The following BARD1 variants were observed in gnomAD, a reference collection of about 807,000 sequenced individuals.
BARD1 encodes the protein BRCA1 associated RING domain 1.
BARD1 carries 73 observed loss-of-function variants against 77.0 expected under a neutral mutation model. The observed-to-expected ratio is 0.95, with a 90% CI of 0.79 to 1.15. The LOEUF (loss-of-function observed/expected upper bound fraction) is 1.15, where lower values mean the gene tolerates loss of function less well. Ranked by LOEUF, BARD1 falls within the 50% of genes most tolerant of loss-of-function variation. The pLI, the probability that BARD1 is intolerant of heterozygous loss-of-function variation, is 0.00. For synonymous variants in BARD1, 384 were observed against 338.0 expected (o/e 1.14, Z -1.49); for missense variants, 993 against 938.8 (o/e 1.06, Z -0.75).
chr2:214,730,419 C>G lies in BARD1; in HGVS notation c.1993G>C (p.Glu665Gln). ...TATTAAAAGAAAAATACCAGCTGTT[C>G]TCTGTTGAGCCTGCTTCTGCGTGGA... ...EGPRRSRLNREQLLPKLFDGC... is the reference protein window; with the variant it reads ...EGPRRSRLNRQQLLPKLFDGC... The change falls in exon 10 of 11, where the codon GAA (glutamate) becomes CAA (glutamine). Residue 665 changes from glutamate to glutamine, a missense_variant. By Grantham distance (29) the Glu-to-Gln change is conservative. Coordinates refer to ENST00000260947, the MANE Select transcript of BARD1 (RefSeq NM_000465.4). 1 of 1,613,324 alleles carries G rather than the reference C, an allele frequency of 6.2e-7. No individual in the cohort carries two copies. The highest frequency in any genetic ancestry group is 8.5e-7 in the Non-Finnish European group (1 of 1,179,390).
At chr2:214,791,994 A>G (rs1695535147) in intron 3 of BARD1, among the ~76,000 whole-genome samples, 1 of 152,016 alleles carries the variant, frequency 6.6e-6, no homozygotes, top group Non-Finnish European at 1.5e-5. Context: ...TTAGACTTTA[A>G]TTATCTCTAT....
At chr2:214,770,663 T>C (rs1386575716) in intron 4 of BARD1, among the ~76,000 whole-genome samples, 1 of 152,218 alleles carries the variant, frequency 6.6e-6, no homozygotes, top group Non-Finnish European at 1.5e-5. Context: ...TTGTGTGTCA[T>C]GATCCAACTA....
chr2:214,785,696 A>G (rs966296526), intron 3 of BARD1, among the ~76,000 whole-genome samples: 1 of 151,674 alleles, frequency 6.6e-6, no homozygotes, highest in Non-Finnish European at 1.5e-5. Flanking sequence ...TGGATTAGCA[A>G]AAGGTAATTT....
intron 7 of BARD1, among the ~76,000 whole-genome samples, chr2:214,751,147 A>T (rs1417932568): frequency 0.013 from 277 of 21,098 alleles, 55 homozygotes; most frequent in East Asian, 0.031. Context: ...ATATATATAT[A>T]TATATTTTTT....
intron 1 of BARD1, among the ~76,000 whole-genome samples, chr2:214,799,408 C>T (rs1411727462): frequency 6.6e-6 from 1 of 152,158 alleles, no homozygotes; most frequent in Non-Finnish European, 1.5e-5. Context: ...AATAAACAAA[C>T]AAATGAATAG....
At chr2:214,788,926 G>A (rs1002411126) in intron 3 of BARD1, among the ~76,000 whole-genome samples, 1 of 151,910 alleles carries the variant, frequency 6.6e-6, no homozygotes, top group Non-Finnish European at 1.5e-5. Flanking sequence ...AGAAACAAAG[G>A]GAAATGTTCC....
intron 2 of BARD1, among the ~76,000 whole-genome samples, chr2:214,793,762 G>GA (rs1306210774): frequency 6.6e-6 from 1 of 151,766 alleles, no homozygotes; most frequent in South Asian, 2.1e-4. Flanking sequence ...TTGGAATTCT[G>GA]AAAAAAATGT....
chr2:214,797,430 C>T (rs1373692310), intron 1 of BARD1, among the ~76,000 whole-genome samples: 2 of 152,200 alleles, frequency 1.3e-5, no homozygotes, highest in Non-Finnish European at 2.9e-5. Context: ...AAACCAACTA[C>T]TGGCTGCTTC....
At position 214,729,002 on chromosome 2, in the gene BARD1, T is replaced by A; in HGVS notation, c.2008A>T (p.Lys670Ter). The change falls in exon 11 of 11, where the codon AAG becomes TAG. Residue 670 changes from lysine to a stop codon, truncating the protein, a stop_gained. Coordinates refer to ENST00000260947, the MANE Select transcript of BARD1 (RefSeq NM_000465.4). LOFTEE classifies it high-confidence loss of function. ...SRLNREQLLP[K>*]LFDGCYFYLW... ...TAGAAGTAGCATCCATCAAACAGCT[T>A]TGGCAACTGAAATAATGAGAAAACA... The A allele has an allele frequency of 6.2e-7, 1 of 1,614,104 alleles. No individual in the cohort carries two copies. Among genetic ancestry groups the A allele is most frequent in the Non-Finnish European group, 8.5e-7 (1 of 1,179,996 alleles).
intron 9 of BARD1, among the ~76,000 whole-genome samples, chr2:214,738,106 C>T (rs1452626476): frequency 5.3e-5 from 8 of 152,078 alleles, no homozygotes; most frequent in South Asian, 2.1e-4. Flanking sequence ...AAGCCACTAA[C>T]CTTATAAAAT....
At chr2:214,804,101 A>C (rs1353556373) in intron 1 of BARD1, among the ~76,000 whole-genome samples, 3 of 152,226 alleles carry the variant, frequency 2.0e-5, no homozygotes, top group Non-Finnish European at 4.4e-5. Context: ...AGAATCCTCA[A>C]GGTAATTTTA....
At chr2:214,730,385 T>G in intron 10 of BARD1, 26 bp downstream of exon 10, 1 of 1,583,396 alleles carries the variant, frequency 6.3e-7, no homozygotes, top group Non-Finnish European at 8.7e-7. Flanking sequence ...ATAAGAACAA[T>G]GAAAGTTGTA....
rs1315898207 is a variant in BARD1, at chr2:214,780,832, C to T, written c.1042G>A (p.Val348Ile). The T allele has an allele frequency of 6.2e-7, 1 of 1,614,024 alleles. No homozygotes were observed. Among genetic ancestry groups the T allele is most frequent in the Non-Finnish European group, 8.5e-7 (1 of 1,180,006 alleles). Residue 348 changes from valine to isoleucine, a missense_variant, in exon 4 of 11, where the codon GTT (valine) becomes ATT (isoleucine). Val to Ile is a conservative substitution (Grantham distance 29). Coordinates refer to ENST00000260947, the MANE Select transcript of BARD1 (RefSeq NM_000465.4). The part of the protein sequence containing the change: ...TSILSTSGDF[V>I]KQTVPSENIP... ...TTTTCTGAGGGCACCGTTTGCTTAA[C>T]AAAATCTCCACTGGTGCTCAGAATG...
intron 6 of BARD1, among the ~76,000 whole-genome samples, chr2:214,753,999 G>A (rs1693579671): frequency 1.3e-5 from 2 of 152,058 alleles, no homozygotes; most frequent in Admixed American, 1.3e-4. Context: ...AGTGACACAT[G>A]TCACAGTATA....
rs1010578245 is a variant in BARD1 at position 214,726,091 on chromosome 2, T to C, written c.*2585A>G. Reference sequence around the variant, plus strand: ...GAAATAAAGGAAAAATTCTATTTACTAAAATTCAAGTAGCTAAACTATCTT... The same window carrying C: ...GAAATAAAGGAAAAATTCTATTTACCAAAATTCAAGTAGCTAAACTATCTT... On this transcript the variant is annotated 3_prime_UTR_variant, in exon 11 of 11. Transcript: ENST00000260947. The C allele has an allele frequency of 9.2e-6, 2 of 217,612 alleles. No homozygotes were observed. The highest frequency in any genetic ancestry group is 2.2e-5 in the African/African-American group (1 of 44,468). The allele number at this position is 217,612 out of a possible 1,614,324, so 13.5% of individuals were successfully genotyped here. A position where few individuals can be genotyped will look rare whatever the true frequency, so the allele number is the denominator to read the frequency against.
intron 4 of BARD1, among the ~76,000 whole-genome samples, chr2:214,775,955 T>C (rs1328876519): frequency 6.6e-6 from 1 of 152,214 alleles, no homozygotes; most frequent in Non-Finnish European, 1.5e-5. Flanking sequence ...ATGACTGTCT[T>C]CAAGTATAAT....
rs139399687 is a variant in BARD1 at position 214,741,241 on chromosome 2, T to C, written c.1903+3826A>G. ...TTTACAACTTCTACAGCTGCAATTT[T>C]ATTTAAACTTAGATGAGAGTGGGGA... On this transcript the variant is annotated intron_variant, in intron 9 of 10. Coordinates refer to ENST00000260947, the MANE Select transcript of BARD1 (RefSeq NM_000465.4). 3.4e-3 allele frequency among the ~76,000 whole-genome samples: 514 copies of C among 152,246 alleles called. 4 individuals are homozygous for C. The highest frequency in any genetic ancestry group is 0.012 in the African/African-American group (496 of 41,554).
At chr2:214,792,150 TA>T (rs536345234) in intron 3 of BARD1, 146 bp downstream of exon 3, 78,482 of 561,246 alleles carry the variant, frequency 0.14, no homozygotes, top group East Asian at 0.19. Flanking sequence ...AATGGCTATT[TA>T]AAAAAAAAAA....
At position 214,761,932 on chromosome 2, in the gene BARD1, T is replaced by C. The variant is rs539307402; in HGVS notation, c.1568+5550A>G. ...AAGTTAATAAATGATAATTAGATCT[T>C]TAGAATTAGGTGTTGACTGGATAGA... On this transcript the variant is annotated intron_variant, in intron 6 of 10. Transcript: ENST00000260947. Among the ~76,000 whole-genome samples the C allele has an allele frequency of 3.3e-5, 5 of 152,244 alleles. No individual in the cohort carries two copies. In the East Asian group the frequency reaches 9.6e-4, roughly 29 times the overall value.
Sources: gnomAD v4.1 joint callset for allele counts (sites outside exome capture counted in the v4.1 genomes callset) on GRCh38, gnomAD v4.1.1 for gene constraint, MANE v1.5 for transcripts, NCBI Gene and HGNC (gene_info 2026-07-23, HGNC 2026-07-21) for gene names.